Variants in DENND4A observed in about 807,000 individuals in gnomAD.
DENND4A encodes the protein DENN domain containing 4A.
A neutral mutation model predicts 199.3 loss-of-function variants in DENND4A; 70 were observed. The ratio of observed to expected loss-of-function variants is 0.35; its 90% CI spans 0.29 to 0.43. DENND4A has a LOEUF of 0.43. Ranked by LOEUF, DENND4A falls within the 20% of genes least tolerant of loss-of-function variation. The pLI is 1.00. For missense variants in DENND4A, 1,723 were observed against 2,255.8 expected (o/e 0.76, Z 4.78); for synonymous variants, 686 against 766.9 (o/e 0.89, Z 1.74).
chr15:65,689,789 C>T (rs1271443855), intron 23 of DENND4A, among the ~76,000 whole-genome samples: 2 of 152,168 alleles, frequency 1.3e-5, no homozygotes, highest in Non-Finnish European at 2.9e-5. Flanking sequence ...AATTTTGTCT[C>T]TCTAACCCAC....
At chr15:65,682,712 C>T (rs2141994754) in intron 23 of DENND4A, among the ~76,000 whole-genome samples, 1 of 152,298 alleles carries the variant, frequency 6.6e-6, no homozygotes, top group Middle Eastern at 3.4e-3. Flanking sequence ...CCTCATTAAG[C>T]TTAATCATTT....
chr15:65,721,783 T>C (rs72741246), intron 12 of DENND4A, among the ~76,000 whole-genome samples: 32,395 of 151,738 alleles, frequency 0.21, 3,952 homozygotes, highest in African/African-American at 0.33. Context: ...CAAATACTGC[T>C]ATACCACTAT....
chr15:65,721,184 C>G (rs1308331960), intron 12 of DENND4A, among the ~76,000 whole-genome samples: 1 of 151,520 alleles, frequency 6.6e-6, no homozygotes, highest in Non-Finnish European at 1.5e-5. Flanking sequence ...AGTGCAAACA[C>G]TTTTAGAAAG....
chr15:65,758,869 T>C (rs1476713455), intron 2 of DENND4A, among the ~76,000 whole-genome samples: 1 of 152,170 alleles, frequency 6.6e-6, no homozygotes, highest in Non-Finnish European at 1.5e-5. Context: ...CGATAAACTT[T>C]GCTTAACTCA....
chr15:65,701,408 A>C lies in DENND4A; in HGVS notation c.2560-216T>G, dbSNP rs530264541. Among the ~76,000 whole-genome samples the C allele has an allele frequency of 4.6e-5, 7 of 152,206 alleles. No individual in the cohort carries two copies. The South Asian group carries it at 1.5e-3, about 32-fold the overall frequency. On this transcript the variant is annotated intron_variant, in intron 18 of 32. Coordinates refer to ENST00000443035, the MANE Select transcript of DENND4A (RefSeq NM_001320835.1). ...AAGGTGAAACCCCACCTCTCCAAAA[A>C]ATATGAAAATTAGCCAGGCATGGTG...
intron 4 of DENND4A, among the ~76,000 whole-genome samples, chr15:65,743,626 T>C (rs2076313986): frequency 6.6e-6 from 1 of 152,250 alleles, no homozygotes; most frequent in African/African-American, 2.4e-5. Flanking sequence ...TATTATCATC[T>C]ATTTTCCTCC....
intron 13 of DENND4A, among the ~76,000 whole-genome samples, chr15:65,716,474 C>T (rs2075405722): frequency 6.8e-6 from 1 of 148,004 alleles, no homozygotes; most frequent in African/African-American, 2.5e-5. Context: ...CAATTCCCAC[C>T]TATGAGTGAG....
chr15:65,759,467 G>A lies in DENND4A; in HGVS notation c.-23+1893C>T, dbSNP rs905623023. On this transcript the variant is annotated intron_variant, in intron 2 of 32. Coordinates refer to ENST00000443035, the MANE Select transcript of DENND4A (RefSeq NM_001320835.1). Reference sequence around the variant, plus strand: ...CACTCCAGCCTGGGCGACCGAGCGAGACTCCATCTGGAAAAAAAAAGGAAA... The same window carrying A: ...CACTCCAGCCTGGGCGACCGAGCGAAACTCCATCTGGAAAAAAAAAGGAAA... Among the ~76,000 whole-genome samples, 3 of 151,892 alleles carry A rather than the reference G, an allele frequency of 2.0e-5. No homozygotes were observed. The East Asian group carries it at 5.8e-4, about 29-fold the overall frequency.
intron 8 of DENND4A, 118 bp from the exon 9 acceptor site, chr15:65,731,818 A>C (rs1306879589): frequency 4.4e-6 from 3 of 680,656 alleles, no homozygotes; most frequent in Non-Finnish European, 7.3e-6. Flanking sequence ...ATATCCATTT[A>C]CCAGTATCAG....
In DENND4A at chr15:65,702,476, G is replaced by A. The variant is rs1024973883; in HGVS notation, c.2259C>T (p.Tyr753=). 2 of 1,595,350 alleles carry A rather than the reference G, an allele frequency of 1.3e-6. No individual in the cohort carries two copies. Among genetic ancestry groups the A allele is most frequent in the African/African-American group, 2.7e-5 (2 of 74,530 alleles). The change falls in exon 17 of 33, where the codon TAC becomes TAT. Residue 753 remains tyrosine, a synonymous_variant. Coordinates refer to ENST00000443035, the MANE Select transcript of DENND4A (RefSeq NM_001320835.1). ...IKSAHKIAKR[Y]SSIPQMWSRC... ...TAGACCACATCTGAGGGATGGAAGA[G>A]TACCTCTTTGCAATTTTATGGGCTG...
rs2074966061 is a variant in DENND4A, at chr15:65,704,095, C to T, written c.2088-1087G>A. ...TGATTCAATGTTGAGTAGGAAACAG[C>T]AAAGAAATCCAGGAAAACCATGCCC... On this transcript the variant is annotated intron_variant, in intron 15 of 32. Coordinates refer to ENST00000443035, the MANE Select transcript of DENND4A (RefSeq NM_001320835.1). Among the ~76,000 whole-genome samples the T allele has an allele frequency of 1.3e-5, 2 of 152,022 alleles. 1 individual carries two copies. The highest frequency in any genetic ancestry group is 4.8e-5 in the African/African-American group (2 of 41,402).
At position 65,700,619 on chromosome 15, in the gene DENND4A, T is replaced by G. The variant is rs1039941824; in HGVS notation, c.2758A>C (p.Thr920Pro). Residue 920 changes from threonine (T) to proline (P), a missense_variant, in exon 20 of 33, where the codon ACA (threonine) becomes CCA (proline). By Grantham distance (38) the Thr-to-Pro change is conservative. Around this residue, in one of 6 missense-constraint regions of DENND4A, gnomAD observed 650 missense variants for 738.1 expected, o/e 0.88. Coordinates refer to ENST00000443035, the MANE Select transcript of DENND4A (RefSeq NM_001320835.1). ...AAAGGTGCCTGCTCCACAGTGTGTG[T>G]CCCATGACCACTATCCATGCTGCCA... The part of the protein sequence containing the change: ...SHGSMDSGHG[T>P]HTVEQAPFNT... 3.2e-6 allele frequency: 5 copies of G among 1,547,892 alleles called. 1 individual carries two copies. The African/African-American group carries it at 6.9e-5, about 21-fold the overall frequency.
At chr15:65,727,762 C>A in intron 11 of DENND4A, 1 of 282,544 alleles carries the variant, frequency 3.5e-6, no homozygotes, top group East Asian at 1.2e-4. Context: ...CATCAATTTC[C>A]TCTTCCCTGA....
intron 4 of DENND4A, among the ~76,000 whole-genome samples, chr15:65,742,641 G>A (rs2076290072): frequency 6.6e-6 from 1 of 152,150 alleles, no homozygotes. Flanking sequence ...TGGCCATGGT[G>A]TTGGCCAGGC....
At chr15:65,687,019 T>C (rs2076807763) in intron 23 of DENND4A, among the ~76,000 whole-genome samples, 1 of 152,160 alleles carries the variant, frequency 6.6e-6, no homozygotes, top group Non-Finnish European at 1.5e-5. Context: ...TGCCTTTTAA[T>C]TGAGGTGTTT....
At chr15:65,782,784 T>C (rs528248783) in intron 1 of DENND4A, among the ~76,000 whole-genome samples, 2 of 152,356 alleles carry the variant, frequency 1.3e-5, no homozygotes, top group South Asian at 4.1e-4. Context: ...TCAAATATTA[T>C]TACATATTTG....
chr15:65,753,158 A>T (rs1469095471), intron 3 of DENND4A, among the ~76,000 whole-genome samples: 1 of 152,070 alleles, frequency 6.6e-6, no homozygotes, highest in East Asian at 1.9e-4. Context: ...TTTTCTCTTT[A>T]TTGGGGTAAA....
intron 1 of DENND4A, among the ~76,000 whole-genome samples, chr15:65,782,966 CTTTTTTT>C (rs79229683): frequency 7.5e-6 from 1 of 133,270 alleles, no homozygotes; most frequent in Non-Finnish European, 1.6e-5. Flanking sequence ...TGGAAGGGAT[CTTTTTTT>C]TTTTTTTGGT....
intron 2 of DENND4A, among the ~76,000 whole-genome samples, chr15:65,758,887 C>T (rs2076781363): frequency 6.6e-6 from 1 of 152,076 alleles, no homozygotes; most frequent in African/African-American, 2.4e-5. Context: ...TCAGGATTTC[C>T]CAAGCCTATT....
Sources: gnomAD v4.1 joint callset for allele counts (sites outside exome capture counted in the v4.1 genomes callset) on GRCh38, gnomAD v4.1.1 for gene constraint, gnomAD v4.1.1 regional missense constraint, MANE v1.5 for transcripts, NCBI Gene and HGNC (gene_info 2026-07-23, HGNC 2026-07-21) for gene names.